Variants in DPP6 observed in about 807,000 individuals in gnomAD.
DPP6 encodes dipeptidyl peptidase like 6.
A neutral mutation model predicts 122.6 loss-of-function variants in DPP6; 69 were observed. The observed-to-expected ratio is 0.56, with a 90% CI of 0.46 to 0.69. The LOEUF (loss-of-function observed/expected upper bound fraction) is 0.69, where lower values mean the gene tolerates loss of function less well. DPP6 is among the 30% of genes least tolerant of loss of function. DPP6 has a pLI of 0.00. For synonymous variants in DPP6, 418 were observed against 433.1 expected (o/e 0.97, Z 0.43); for missense variants, 928 against 1,116.9 (o/e 0.83, Z 2.41).
At chr7:154,337,088 T>C (rs1809493684) in intron 1 of DPP6, among the ~76,000 whole-genome samples, 1 of 152,166 alleles carries the variant, frequency 6.6e-6, no homozygotes, top group South Asian at 2.1e-4. Context: ...ATCCCAGGTA[T>C]AGAAAGTTAC....
intron 1 of DPP6, among the ~76,000 whole-genome samples, chr7:153,932,364 A>C (rs1337891971): frequency 6.6e-6 from 1 of 151,792 alleles, no homozygotes; most frequent in Non-Finnish European, 1.5e-5. Flanking sequence ...CAGGTGATCT[A>C]CCCACTCCTC....
chr7:154,335,502 A>G (rs1012009352), intron 1 of DPP6, among the ~76,000 whole-genome samples: 7 of 152,210 alleles, frequency 4.6e-5, no homozygotes, highest in Non-Finnish European at 1.0e-4. Context: ...TAGGTCATAA[A>G]CTGTGACACT....
chr7:154,340,508 C>A (rs1041349410), intron 1 of DPP6, among the ~76,000 whole-genome samples: 1 of 152,158 alleles, frequency 6.6e-6, no homozygotes, highest in African/African-American at 2.4e-5. Context: ...GGCTCACTGG[C>A]TATGGTGAAT....
chr7:153,886,544 G>A (rs1798923521), upstream of DPP6, among the ~76,000 whole-genome samples: 1 of 152,174 alleles, frequency 6.6e-6, no homozygotes, highest in African/African-American at 2.4e-5. Flanking sequence ...GACGCGGCTG[G>A]GGCGGAGGCC....
chr7:153,768,316 A>G, the DPP6 span, among the ~76,000 whole-genome samples: 1 of 151,664 alleles, frequency 6.6e-6, no homozygotes, highest in African/African-American at 2.4e-5. Flanking sequence ...TGCCAGAAAC[A>G]TATAATATTT....
intron 1 of DPP6, among the ~76,000 whole-genome samples, chr7:154,264,872 C>CTGATGATGGTGT (rs796874052): frequency 0.5 from 55,909 of 112,766 alleles, 12,126 homozygotes; most frequent in South Asian, 0.6. Context: ...GATGGTGATC[C>CTGATGATGGTGT]TGATGATGGT....
chr7:154,715,367 C>G lies in DPP6; in HGVS notation c.763-12400C>G, dbSNP rs531725779. The stretch of plus-strand genomic sequence containing the variant: ...TACAGGCATGAGCCACTGCACCCAG[C>G]CAGGATAACATTTTATAAAAAGGAA... On this transcript the variant is annotated intron_variant, in intron 7 of 25. Coordinates refer to ENST00000377770, the MANE Select transcript of DPP6 (RefSeq NM_130797.4). 3.9e-5 allele frequency among the ~76,000 whole-genome samples: 6 copies of G among 152,272 alleles called. No homozygotes were observed. In the South Asian group the frequency reaches 1.2e-3, roughly 32 times the overall value.
rs191470154 is a variant in DPP6 at position 154,277,364 on chromosome 7, A to C, written c.244-168850A>C. The stretch of plus-strand genomic sequence containing the variant: ...GAGCTAGTAAAAACAACAACAACAA[A>C]AAAAACAATTGTCAATCAGACCAAA... On this transcript the variant is annotated intron_variant, in intron 1 of 25. Transcript: ENST00000377770. Among the ~76,000 whole-genome samples, 335 of 152,348 alleles carry C rather than the reference A, an allele frequency of 2.2e-3. 2 individuals carry two copies. The highest frequency in any genetic ancestry group is 7.7e-3 in the African/African-American group (320 of 41,578).
At chr7:154,628,032 C>T (rs1835192187) in intron 5 of DPP6, among the ~76,000 whole-genome samples, 1 of 152,142 alleles carries the variant, frequency 6.6e-6, no homozygotes, top group African/African-American at 2.4e-5. Context: ...GAGCAGATAG[C>T]GGGGAGGCAG....
At chr7:154,539,657 A>C (rs376391302) in intron 3 of DPP6, among the ~76,000 whole-genome samples, 1 of 152,156 alleles carries the variant, frequency 6.6e-6, no homozygotes, top group South Asian at 2.1e-4. Flanking sequence ...AAAAGGCATA[A>C]AAATTCTAGA....
intron 1 of DPP6, among the ~76,000 whole-genome samples, chr7:154,388,695 G>T (rs574094398): frequency 6.6e-6 from 1 of 152,114 alleles, no homozygotes; most frequent in Non-Finnish European, 1.5e-5. Flanking sequence ...AGGGTGGGAC[G>T]CTACTGTTCA....
intron 16 of DPP6, among the ~76,000 whole-genome samples, chr7:154,832,697 G>A (rs1232516853): frequency 6.6e-6 from 1 of 152,190 alleles, no homozygotes; most frequent in Non-Finnish European, 1.5e-5. Flanking sequence ...CATTTTTGCT[G>A]ACACAGTCCC....
At chr7:154,208,403 T>C (rs1381340928) in intron 1 of DPP6, among the ~76,000 whole-genome samples, 1 of 152,202 alleles carries the variant, frequency 6.6e-6, no homozygotes, top group Non-Finnish European at 1.5e-5. Flanking sequence ...GAAGACCCCT[T>C]CACAACCAAA....
intron 3 of DPP6, among the ~76,000 whole-genome samples, chr7:154,512,617 C>A (rs1015232058): frequency 4.6e-5 from 7 of 152,144 alleles, no homozygotes; most frequent in African/African-American, 1.7e-4. Flanking sequence ...AACTATCAGA[C>A]CTTTTGTGCC....
intron 1 of DPP6, among the ~76,000 whole-genome samples, chr7:154,442,110 A>G (rs1819427606): frequency 6.6e-6 from 1 of 152,126 alleles, no homozygotes; most frequent in African/African-American, 2.4e-5. Context: ...TCCATCAATG[A>G]TTGCCTTTCT....
intron 1 of DPP6, among the ~76,000 whole-genome samples, chr7:154,199,022 T>TA (rs1295100217): frequency 6.6e-6 from 1 of 151,672 alleles, no homozygotes; most frequent in East Asian, 1.9e-4. Flanking sequence ...ACTAGGGTTT[T>TA]TTTTTTTTGG....
At chr7:154,551,663 C>G (rs979982999) in intron 4 of DPP6, among the ~76,000 whole-genome samples, 3 of 152,060 alleles carry the variant, frequency 2.0e-5, no homozygotes, top group Non-Finnish European at 2.9e-5. Context: ...TAATTTCATT[C>G]TCATGCTGTA....
chr7:153,915,034 G>T (rs769746185), intron 1 of DPP6, among the ~76,000 whole-genome samples: 1 of 152,168 alleles, frequency 6.6e-6, no homozygotes, highest in Non-Finnish European at 1.5e-5. Context: ...TAATTGTTCA[G>T]CAGTAGAATC....
the DPP6 span, among the ~76,000 whole-genome samples, chr7:153,881,083 G>A: frequency 2.6e-5 from 4 of 152,174 alleles, no homozygotes; most frequent in African/African-American, 9.7e-5. Flanking sequence ...AAAGTATAGT[G>A]GAAGAGGCAG....
Sources: gnomAD v4.1 joint callset for allele counts (sites outside exome capture counted in the v4.1 genomes callset) on GRCh38, gnomAD v4.1.1 for gene constraint, MANE v1.5 for transcripts, NCBI Gene and HGNC (gene_info 2026-07-23, HGNC 2026-07-21) for gene names.